The following RGS6 variants were observed in gnomAD, a reference collection of about 807,000 sequenced individuals.
The protein encoded by RGS6 is regulator of G protein signaling 6.
Under a neutral mutation model 78.5 loss-of-function variants are expected in RGS6, and 30 were observed. The ratio of observed to expected loss-of-function variants is 0.38; its 90% CI spans 0.29 to 0.52. The LOEUF (loss-of-function observed/expected upper bound fraction) is 0.52. RGS6 is among the 20% of genes least tolerant of loss of function. The pLI, the probability that RGS6 is intolerant of heterozygous loss-of-function variation, is 0.85. For missense variants in RGS6, 495 were observed against 609.7 expected, an observed-to-expected ratio of 0.81 and a Z score of 1.98; for synonymous variants, 206 against 206.0, an observed-to-expected ratio of 1.00 and a Z score of 0.00.
At chr14:71,934,686 G>A (rs527452028) in intron 1 of RGS6, among the ~76,000 whole-genome samples, 3 of 152,288 alleles carry the variant, frequency 2.0e-5, no homozygotes, top group South Asian at 2.1e-4. Flanking sequence ...GTAAGTAGAC[G>A]TTTCTTGAGA....
At chr14:72,456,975 T>C in intron 4 of RGS6, among the ~76,000 whole-genome samples, 1 of 151,370 alleles carries the variant, frequency 6.6e-6, no homozygotes, top group Admixed American at 6.6e-5. Flanking sequence ...TTCCAGCTAC[T>C]TGGGAGGCTG....
intron 3 of RGS6, among the ~76,000 whole-genome samples, chr14:72,360,546 A>G (rs1416193741): frequency 1.3e-5 from 2 of 151,440 alleles, no homozygotes; most frequent in East Asian, 3.9e-4. Flanking sequence ...AACAAAACAA[A>G]AAAGGAAGAA....
intron 2 of RGS6, among the ~76,000 whole-genome samples, chr14:72,248,976 A>G (rs2054938304): frequency 1.3e-5 from 2 of 152,210 alleles, no homozygotes; most frequent in Non-Finnish European, 2.9e-5. Context: ...ACTGCAGTTT[A>G]TCCTGATAAA....
chr14:71,868,143 A>G, the RGS6 span, among the ~76,000 whole-genome samples: 8 of 152,186 alleles, frequency 5.3e-5, no homozygotes, highest in African/African-American at 1.2e-4. Flanking sequence ...GGAATTGCAT[A>G]GCAAGTCAGG....
intron 17 of RGS6, among the ~76,000 whole-genome samples, chr14:72,546,936 G>T (rs188513445): frequency 1.3e-5 from 2 of 152,334 alleles, no homozygotes; most frequent in East Asian, 1.9e-4. Flanking sequence ...CAGGAAAGGT[G>T]CTCTCACTTT....
In RGS6 at chr14:72,459,689, A is replaced by T. The variant is rs531165010; in HGVS notation, c.394+6A>T. The T allele has an allele frequency of 1.2e-6, 2 of 1,614,066 alleles. No individual in the cohort carries two copies. Among genetic ancestry groups the T allele is most frequent in the East Asian group, 2.2e-5 (1 of 44,866 alleles). ...ACCTGAAAACACTGACTATGGTGAG[A>T]ACTGAAGCCACTGGGAACTCTCAAC... is the stretch of plus-strand genomic sequence containing the variant. On this transcript the variant is annotated splice_donor_region_variant and intron_variant, in intron 6 of 17. Coordinates refer to ENST00000553525, the MANE Select transcript of RGS6 (RefSeq NM_001204424.2).
chr14:72,354,529 G>A (rs2079848966), intron 3 of RGS6, among the ~76,000 whole-genome samples: 1 of 151,670 alleles, frequency 6.6e-6, no homozygotes, highest in Non-Finnish European at 1.5e-5. Context: ...CCAGCTACTT[G>A]GGAGGCTGAG....
At chr14:71,976,221 TC>T (rs2094117817) in intron 2 of RGS6, among the ~76,000 whole-genome samples, 1 of 150,914 alleles carries the variant, frequency 6.6e-6, no homozygotes, top group South Asian at 2.1e-4. Context: ...TTCTTTTTTT[TC>T]TTTTTTTTTT....
intron 2 of RGS6, among the ~76,000 whole-genome samples, chr14:72,021,635 AT>A (rs112257108): frequency 4.7e-5 from 7 of 149,118 alleles, no homozygotes; most frequent in South Asian, 4.3e-4. Context: ...CACCTGGCTT[AT>A]TTTTTTTTGT....
At chr14:72,110,222 T>C (rs1177780399) in intron 2 of RGS6, among the ~76,000 whole-genome samples, 1 of 152,214 alleles carries the variant, frequency 6.6e-6, no homozygotes, top group East Asian at 1.9e-4. Context: ...GGCAAAGCAT[T>C]GTCCTCATCT....
Position 72,342,387 on chromosome 14 carries a change from G to A in RGS6, c.85-9708G>A, listed in dbSNP as rs1006115282. 3.9e-5 allele frequency among the ~76,000 whole-genome samples: 6 copies of A among 152,062 alleles called. No individual in the cohort carries two copies. In the South Asian group the frequency reaches 6.3e-4, roughly 16 times the overall value. The stretch of plus-strand genomic sequence containing the variant: ...TTGAGACCAGCCTGGCCATCATGGC[G>A]AAACTCCATATCTCCCAAAAATACA... On this transcript the variant is annotated intron_variant, in intron 2 of 17. Coordinates refer to ENST00000553525, the MANE Select transcript of RGS6 (RefSeq NM_001204424.2).
intron 1 of RGS6, among the ~76,000 whole-genome samples, chr14:71,936,145 TTAAG>T (rs1403771516): frequency 6.6e-6 from 1 of 151,046 alleles, no homozygotes; most frequent in Non-Finnish European, 1.5e-5. Flanking sequence ...GGGGAGTTTA[TTAAG>T]TATTAACTTA....
chr14:72,314,434 A>G lies in RGS6; in HGVS notation c.85-37661A>G, dbSNP rs373337933. On this transcript the variant is annotated intron_variant, in intron 2 of 17. Coordinates refer to ENST00000553525, the MANE Select transcript of RGS6 (RefSeq NM_001204424.2). Reference sequence around the variant, plus strand: ...GAAAGTTACACTTTCTCAGGCATCCACTGGCTTACAGACTTCTACTTATGT... The same window carrying G: ...GAAAGTTACACTTTCTCAGGCATCCGCTGGCTTACAGACTTCTACTTATGT... Among the ~76,000 whole-genome samples, 10 of 152,288 alleles carry G rather than the reference A, an allele frequency of 6.6e-5. No homozygotes were observed. In the East Asian group the frequency reaches 1.9e-3, roughly 29 times the overall value.
intron 2 of RGS6, among the ~76,000 whole-genome samples, chr14:72,032,462 G>A (rs1296032364): frequency 6.6e-6 from 1 of 152,004 alleles, no homozygotes; most frequent in Non-Finnish European, 1.5e-5. Flanking sequence ...TTTTGTTATT[G>A]TGATAAAAAC....
At chr14:72,102,548 A>G (rs1160784125) in intron 2 of RGS6, among the ~76,000 whole-genome samples, 3 of 152,094 alleles carry the variant, frequency 2.0e-5, no homozygotes, top group African/African-American at 7.2e-5. Context: ...TCTCTATTTT[A>G]TGGATTAGAA....
At chr14:71,869,853 G>A in the RGS6 span, among the ~76,000 whole-genome samples, 3 of 152,152 alleles carry the variant, frequency 2.0e-5, no homozygotes, top group Admixed American at 1.3e-4. Context: ...TGGGATTGGT[G>A]TTGTTATAAA....
At chr14:72,491,532 T>G (rs2096578027) in intron 12 of RGS6, among the ~76,000 whole-genome samples, 1 of 152,216 alleles carries the variant, frequency 6.6e-6, no homozygotes, top group South Asian at 2.1e-4. Context: ...TTCAACACAT[T>G]TGTCCAAGAT....
intron 7 of RGS6, chr14:72,469,616 C>G (rs1461332970): frequency 1.3e-5 from 2 of 159,096 alleles, no homozygotes; most frequent in Non-Finnish European, 2.7e-5. Context: ...CCTGAGAAAT[C>G]CAGCCTTTGG....
chr14:72,052,047 G>A (rs74063038), intron 2 of RGS6, among the ~76,000 whole-genome samples: 1,975 of 152,222 alleles, frequency 0.013, 43 homozygotes, highest in African/African-American at 0.044. Flanking sequence ...GTGGGACAGT[G>A]AATAGAAAGT....
Sources: gnomAD v4.1 joint callset for allele counts (sites outside exome capture counted in the v4.1 genomes callset) on GRCh38, gnomAD v4.1.1 for gene constraint, MANE v1.5 for transcripts, NCBI Gene and HGNC (gene_info 2026-07-23, HGNC 2026-07-21) for gene names.